Variants in STRADA observed in about 807,000 individuals in gnomAD.
STRADA encodes STE20 related adaptor alpha.
In STRADA, 26 loss-of-function variants were observed where a neutral mutation model predicts 55.0. The ratio of observed to expected loss-of-function variants is 0.47; its 90% CI spans 0.35 to 0.66. STRADA has a LOEUF of 0.66. Ranked by LOEUF, STRADA falls within the 30% of genes least tolerant of loss-of-function variation. The pLI is 0.01. For missense variants in STRADA, 443 were observed against 549.7 expected (o/e 0.81, Z 1.94); for synonymous variants, 197 against 210.9 (o/e 0.93, Z 0.57).
intron 1 of STRADA, among the ~76,000 whole-genome samples, chr17:63,731,810 A>C (rs879724016): frequency 6.6e-6 from 1 of 152,172 alleles, no homozygotes; most frequent in Non-Finnish European, 1.5e-5. Context: ...CTGCAAAAAA[A>C]GTTTCTATGG....
intron 8 of STRADA, among the ~76,000 whole-genome samples, chr17:63,708,069 TG>T (rs1764749586): frequency 6.6e-6 from 1 of 151,982 alleles, no homozygotes; most frequent in Non-Finnish European, 1.5e-5. Flanking sequence ...TTAGTAGAGA[TG>T]GGGTTTTGCC....
intron 1 of STRADA, among the ~76,000 whole-genome samples, chr17:63,738,923 G>C (rs1308968776): frequency 6.6e-6 from 1 of 151,658 alleles, no homozygotes. Context: ...AGGCAGAGGC[G>C]GGCAGATCAC....
chr17:63,736,672 T>A (rs1264815485), intron 1 of STRADA, among the ~76,000 whole-genome samples: 4 of 151,566 alleles, frequency 2.6e-5, no homozygotes, highest in Admixed American at 1.3e-4. Context: ...ACTGAAGAGA[T>A]ATCTCAAGAT....
intron 2 of STRADA, 121 bp downstream of exon 2, chr17:63,728,213 A>T: frequency 1.2e-6 from 1 of 866,614 alleles, no homozygotes; most frequent in Non-Finnish European, 1.8e-6. Context: ...CTTACTTCCT[A>T]CATCCCTCAC....
intron 6 of STRADA, chr17:63,711,077 G>GAT: frequency 1.3e-5 from 7 of 525,892 alleles, no homozygotes; most frequent in Non-Finnish European, 2.0e-5. Context: ...AAGGGTGCCA[G>GAT]CACACCGACT....
Position 63,710,856 on chromosome 17 carries a change from T to C in STRADA, c.349-20A>G. ...CTCGCCCTGGAAGCAATGATGAAGC[T>C]GAAGTCAGAACCAAATGGCACTGAA... On this transcript the variant is annotated intron_variant, in intron 6 of 12. Transcript: ENST00000336174. 6.2e-7 allele frequency: 1 copy of C among 1,611,480 alleles called. No homozygotes were observed. The highest frequency in any genetic ancestry group is 8.5e-7 in the Non-Finnish European group (1 of 1,177,810).
chr17:63,740,149 C>CACATACACATATAT (rs1568234412), intron 1 of STRADA, among the ~76,000 whole-genome samples: 1 of 46,792 alleles, frequency 2.1e-5, no homozygotes, highest in African/African-American at 9.7e-5. Flanking sequence ...TATATATATA[C>CACATACACATATAT]ACACACACAC....
chr17:63,707,236 C>A lies in STRADA; in HGVS notation c.753+11G>T. 1 of 1,613,962 alleles carries A rather than the reference C, an allele frequency of 6.2e-7. No homozygotes were observed. ...TTGGGTAGGGGAGCTCCTCTGGGCC[C>A]ACACACAGACCTGCTGGAGGACCTC... On this transcript the variant is annotated intron_variant, in intron 9 of 12. Transcript: ENST00000336174.
intron 1 of STRADA, chr17:63,741,469 G>A: frequency 6.5e-6 from 1 of 153,926 alleles, no homozygotes; most frequent in Non-Finnish European, 1.4e-5. Context: ...AGTCCTAGGG[G>A]GTGGGGAGGA....
At chr17:63,706,333 C>A (rs2036086576) in intron 10 of STRADA, 1 of 249,180 alleles carries the variant, frequency 4.0e-6, no homozygotes, top group Non-Finnish European at 7.6e-6. Context: ...ATATTTTATG[C>A]ATTTATAAAA....
At chr17:63,725,512 C>T (rs1023498155) in intron 3 of STRADA, among the ~76,000 whole-genome samples, 6 of 151,896 alleles carry the variant, frequency 4.0e-5, no homozygotes, top group African/African-American at 1.5e-4. Flanking sequence ...TCACCATGCC[C>T]GGCTAATTTT....
At chr17:63,734,264 GT>G (rs2038265837) in intron 1 of STRADA, among the ~76,000 whole-genome samples, 1 of 152,200 alleles carries the variant, frequency 6.6e-6, no homozygotes, top group African/African-American at 2.4e-5. Context: ...ACTTGTCACT[GT>G]TTTCAATAAG....
At chr17:63,736,962 A>G (rs2038481694) in intron 1 of STRADA, among the ~76,000 whole-genome samples, 1 of 151,636 alleles carries the variant, frequency 6.6e-6, no homozygotes, top group Non-Finnish European at 1.5e-5. Flanking sequence ...ATTTTTAGAT[A>G]GCATGGCTGG....
chr17:63,731,250 T>C (rs1162856306), intron 1 of STRADA, among the ~76,000 whole-genome samples: 2 of 142,180 alleles, frequency 1.4e-5, no homozygotes, highest in Non-Finnish European at 3.0e-5. Flanking sequence ...GCCCTGATAT[T>C]CTTTCCTTTT....
intron 1 of STRADA, among the ~76,000 whole-genome samples, chr17:63,732,119 C>T (rs1406813561): frequency 2.6e-5 from 4 of 151,924 alleles, no homozygotes; most frequent in Non-Finnish European, 2.9e-5. Context: ...CCACCCGCCT[C>T]GGCCTCCCAA....
chr17:63,727,149 A>G (rs552832522), intron 2 of STRADA: 131 of 166,850 alleles, frequency 7.9e-4, no homozygotes, highest in Non-Finnish European at 1.2e-3. Flanking sequence ...TTTATCCACT[A>G]GGGGTTCTAA....
chr17:63,703,907 G>GT, intron 12 of STRADA, 98 bp downstream of exon 12: 1 of 1,607,082 alleles, frequency 6.2e-7, no homozygotes, highest in South Asian at 1.1e-5. Flanking sequence ...AAGCGGGGTA[G>GT]TTTCTCTCAT....
chr17:63,707,956 C>A (rs1203814919), intron 8 of STRADA, among the ~76,000 whole-genome samples: 1 of 151,088 alleles, frequency 6.6e-6, no homozygotes, highest in Non-Finnish European at 1.5e-5. Context: ...CCAGGATGGT[C>A]TCGATCTCCC....
intron 5 of STRADA, 100 bp downstream of exon 5, chr17:63,713,906 A>G: frequency 3.2e-6 from 3 of 924,438 alleles, no homozygotes; most frequent in Admixed American, 2.1e-5. Flanking sequence ...CCTCCTAACT[A>G]GTGGATGGCC....
Sources: allele counts gnomAD v4.1 joint callset (sites outside exome capture counted in the v4.1 genomes callset), GRCh38; gene constraint gnomAD v4.1.1; transcripts MANE v1.5; gene names NCBI Gene and HGNC (gene_info 2026-07-23, HGNC 2026-07-21).